ZFHX3: variants seen among roughly 807,000 people sequenced by gnomAD.
ZFHX3 encodes zinc finger homeobox 3.
In ZFHX3, 42 loss-of-function variants were observed where a neutral mutation model predicts 279.1. The ratio of observed to expected loss-of-function variants is 0.15; its 90% confidence interval spans 0.12 to 0.19. ZFHX3 has a LOEUF of 0.19. ZFHX3 is among the 10% of genes least tolerant of loss of function. The probability of loss-of-function intolerance (pLI) is 1.00; values close to 1 mark genes in which losing one functional copy is unlikely to be tolerated. For missense variants in ZFHX3, 4,981 were observed against 4,754.0 expected, an observed-to-expected ratio of 1.05 and a Z score of -1.40; for synonymous variants, 2,293 against 1,957.8, an observed-to-expected ratio of 1.17 and a Z score of -4.52.
At position 73,805,685 on chromosome 16, in the gene ZFHX3, C is replaced by T. The variant is rs143631651; in HGVS notation, c.-1608+85966G>A. 1.2e-4 allele frequency among the ~76,000 whole-genome samples: 19 copies of T among 152,320 alleles called. No homozygotes were observed. In the South Asian group the frequency reaches 1.7e-3, roughly 13 times the overall value. On this transcript the variant is annotated intron_variant, in intron 1 of 17. Coordinates refer to the ZFHX3 transcript ENST00000641206. ...ACAGGGCACTGCCCTAGCAATGAGA[C>T]ATAGCAATGGACAAAACAGTTAAAA...
intron 2 of ZFHX3, among the ~76,000 whole-genome samples, chr16:72,953,764 T>G (rs1225086515): frequency 6.6e-6 from 1 of 151,998 alleles, no homozygotes; most frequent in Non-Finnish European, 1.5e-5. Context: ...AACAAAAATG[T>G]TTTGTCGAGA....
intron 4 of ZFHX3, among the ~76,000 whole-genome samples, chr16:73,284,369 C>T (rs1416890101): frequency 6.7e-6 from 1 of 149,644 alleles, no homozygotes; most frequent in Admixed American, 6.6e-5. Flanking sequence ...CCTGAATCCA[C>T]TATCCTAAGA....
At chr16:72,950,411 G>C in intron 3 of ZFHX3, 58 bp downstream of exon 3, 1 of 1,579,000 alleles carries the variant, frequency 6.3e-7, no homozygotes, top group Non-Finnish European at 8.6e-7. Flanking sequence ...CTAACTCCCC[G>C]GTGCGCAACC....
chr16:73,803,908 C>G (rs1475271474), intron 1 of ZFHX3, among the ~76,000 whole-genome samples: 1 of 152,126 alleles, frequency 6.6e-6, no homozygotes, highest in Non-Finnish European at 1.5e-5. Flanking sequence ...GTCTGTAACC[C>G]CAGCACTCTG....
chr16:73,306,995 T>A (rs1157140650), intron 4 of ZFHX3, among the ~76,000 whole-genome samples: 1 of 152,200 alleles, frequency 6.6e-6, no homozygotes, highest in African/African-American at 2.4e-5. Context: ...GTTCATTTCC[T>A]ACACAACAAG....
At chr16:73,158,874 A>C (rs1228694760) in intron 5 of ZFHX3, among the ~76,000 whole-genome samples, 3 of 152,240 alleles carry the variant, frequency 2.0e-5, no homozygotes, top group Non-Finnish European at 4.4e-5. Flanking sequence ...CTGACTAGCC[A>C]TATGCAGAAG....
At chr16:73,314,666 G>GA (rs1297232031) in intron 4 of ZFHX3, among the ~76,000 whole-genome samples, 1 of 152,196 alleles carries the variant, frequency 6.6e-6, no homozygotes, top group Admixed American at 6.5e-5. Context: ...TGTTCACAGA[G>GA]AAAGAATGAC....
chr16:73,607,088 G>A (rs2052195280), intron 2 of ZFHX3, among the ~76,000 whole-genome samples: 1 of 152,184 alleles, frequency 6.6e-6, no homozygotes, highest in African/African-American at 2.4e-5. Flanking sequence ...GAGTGCAATG[G>A]CACACTCTTG....
In ZFHX3 at chr16:73,055,678, ACGCGCG is replaced by A. The variant is rs141836776; in HGVS notation, c.-24+2846_-24+2851del. Reference sequence around the variant, plus strand: ...GAAGACACCCACACGGTGCAGACGTACGCGCGCGCGCGCGCGCGCGCACACACACAC... The same window carrying A: ...GAAGACACCCACACGGTGCAGACGTACGCGCGCGCGCGCGCACACACACAC... On this transcript the variant is annotated intron_variant, in intron 1 of 8. Transcript: ENST00000397992. 9.1e-3 allele frequency among the ~76,000 whole-genome samples: 1,067 copies of A among 117,362 alleles called. 17 individuals are homozygous for A. Among genetic ancestry groups the A allele is most frequent in the African/African-American group, 0.03 (995 of 33,204 alleles). The allele number at this position is 117,362 out of a possible 152,430, so 77.0% of individuals were successfully genotyped here. A position where few individuals can be genotyped will look rare whatever the true frequency, so the allele number is the denominator to read the frequency against.
chr16:73,890,455 T>C (rs2030497253), intron 1 of ZFHX3, among the ~76,000 whole-genome samples: 1 of 152,214 alleles, frequency 6.6e-6, no homozygotes, highest in Non-Finnish European at 1.5e-5. Flanking sequence ...TAAAGGGAGA[T>C]AACACTGAAT....
intron 3 of ZFHX3, among the ~76,000 whole-genome samples, chr16:72,893,367 G>A (rs1369197624): frequency 6.6e-6 from 1 of 152,210 alleles, no homozygotes; most frequent in East Asian, 1.9e-4. Flanking sequence ...ATGGATGTGT[G>A]AGAGTTCTAT....
At chr16:73,066,820 C>T (rs1965761431) in intron 8 of ZFHX3, among the ~76,000 whole-genome samples, 1 of 152,204 alleles carries the variant, frequency 6.6e-6, no homozygotes, top group South Asian at 2.1e-4. Flanking sequence ...TCTCTTTCCG[C>T]CGTTCTCGCC....
intron 1 of ZFHX3, among the ~76,000 whole-genome samples, chr16:73,755,896 A>G (rs1821162066): frequency 6.6e-6 from 1 of 152,230 alleles, no homozygotes; most frequent in South Asian, 2.1e-4. Flanking sequence ...ACTTGTCATC[A>G]GCGAGGCACT....
chr16:72,906,811 C>G (rs955026017), intron 3 of ZFHX3, among the ~76,000 whole-genome samples: 6 of 151,948 alleles, frequency 3.9e-5, no homozygotes, highest in Non-Finnish European at 8.8e-5. Flanking sequence ...CCCTTCCCCC[C>G]CTCAAAAAAC....
chr16:73,241,003 C>G (rs927945573), intron 5 of ZFHX3, among the ~76,000 whole-genome samples: 4 of 152,160 alleles, frequency 2.6e-5, no homozygotes, highest in Admixed American at 2.6e-4. Context: ...CAGAAGTTGT[C>G]TAACTGTTGG....
At chr16:73,175,405 A>C (rs181151894) in intron 5 of ZFHX3, among the ~76,000 whole-genome samples, 3 of 138,864 alleles carry the variant, frequency 2.2e-5, no homozygotes, top group East Asian at 2.3e-4. Flanking sequence ...AACAAACAAA[A>C]AAACCACTGG....
intron 3 of ZFHX3, among the ~76,000 whole-genome samples, chr16:72,891,113 T>C (rs745973335): frequency 3.2e-4 from 48 of 152,174 alleles, no homozygotes; most frequent in Non-Finnish European, 1.3e-4. Flanking sequence ...TTCACCTAGA[T>C]TAAAAAATGC....
At chr16:73,396,432 TTCA>T (rs2017130859) in intron 3 of ZFHX3, among the ~76,000 whole-genome samples, 1 of 151,912 alleles carries the variant, frequency 6.6e-6, no homozygotes, top group Non-Finnish European at 1.5e-5. Flanking sequence ...TTTATTTTTT[TTCA>T]TTCATTCATT....
chr16:73,594,589 A>G (rs926181406), intron 2 of ZFHX3, among the ~76,000 whole-genome samples: 6 of 152,184 alleles, frequency 3.9e-5, no homozygotes, highest in Non-Finnish European at 8.8e-5. Flanking sequence ...TAACTTGGCC[A>G]ATGAAACAGA....
Sources: gnomAD v4.1 joint callset for allele counts (sites outside exome capture counted in the v4.1 genomes callset) on GRCh38, gnomAD v4.1.1 for gene constraint, MANE v1.5 for transcripts, NCBI Gene and HGNC (gene_info 2026-07-23, HGNC 2026-07-21) for gene names.